Variants in GALNT13 observed in about 807,000 individuals in gnomAD.
GALNT13 encodes polypeptide N-acetylgalactosaminyltransferase 13.
In GALNT13, 28 loss-of-function variants were observed where a neutral mutation model predicts 64.2. The observed-to-expected ratio is 0.44, with a 90% CI of 0.32 to 0.60. The LOEUF (loss-of-function observed/expected upper bound fraction) is 0.60, where lower values mean the gene tolerates loss of function less well. Among genes scored for constraint, GALNT13 ranks in the 20% least tolerant of loss-of-function variants. The probability of loss-of-function intolerance (pLI) is 0.05; values close to 1 mark genes in which losing one functional copy is unlikely to be tolerated. For synonymous variants in GALNT13, 214 were observed against 224.6 expected, an observed-to-expected ratio of 0.95 and a Z score of 0.42; for missense variants, 577 against 669.8, an observed-to-expected ratio of 0.86 and a Z score of 1.53.
intron 11 of GALNT13, among the ~76,000 whole-genome samples, chr2:154,416,633 T>C (rs1292195586): frequency 6.6e-6 from 1 of 152,162 alleles, no homozygotes; most frequent in Non-Finnish European, 1.5e-5. Context: ...AAGAAACGTT[T>C]CACTTTGGCT....
At chr2:154,445,797 A>C in intron 12 of GALNT13, 1 of 1,288,014 alleles carries the variant, frequency 7.8e-7, no homozygotes, top group Non-Finnish European at 1.0e-6. Context: ...TGTTTGAATC[A>C]ACAGACTTAC....
intron 3 of GALNT13, among the ~76,000 whole-genome samples, chr2:154,038,332 A>C (rs940776644): frequency 6.6e-6 from 1 of 152,182 alleles, no homozygotes; most frequent in Non-Finnish European, 1.5e-5. Flanking sequence ...AAAATAACAA[A>C]GTCAGAGATA....
intron 3 of GALNT13, among the ~76,000 whole-genome samples, chr2:153,972,359 C>G (rs1693797485): frequency 1.3e-5 from 2 of 152,076 alleles, no homozygotes; most frequent in Admixed American, 6.6e-5. Flanking sequence ...TGATGTGACA[C>G]TAAGAACTCT....
chr2:153,358,999 C>T, the GALNT13 span, among the ~76,000 whole-genome samples: 1 of 152,116 alleles, frequency 6.6e-6, no homozygotes, highest in Non-Finnish European at 1.5e-5. Context: ...TATACAAATC[C>T]TTTCACAACC....
chr2:153,089,232 G>T, the GALNT13 span, among the ~76,000 whole-genome samples: 1 of 152,094 alleles, frequency 6.6e-6, no homozygotes, highest in Non-Finnish European at 1.5e-5. Context: ...TCACTTATGA[G>T]GCTTAGTTTT....
chr2:154,244,480 A>G (rs1689669867), intron 6 of GALNT13, among the ~76,000 whole-genome samples: 2 of 152,162 alleles, frequency 1.3e-5, no homozygotes, highest in Admixed American at 1.3e-4. Flanking sequence ...GAAAATGAGT[A>G]TTGGTGAAAC....
At chr2:153,194,031 T>C in the GALNT13 span, among the ~76,000 whole-genome samples, 1 of 152,324 alleles carries the variant, frequency 6.6e-6, no homozygotes, top group Admixed American at 6.5e-5. Context: ...TCCCTCTTTG[T>C]CTTTAACTTT....
chr2:153,723,701 A>C, the GALNT13 span, among the ~76,000 whole-genome samples: 1 of 152,110 alleles, frequency 6.6e-6, no homozygotes, highest in African/African-American at 2.4e-5. Flanking sequence ...ACTCCCATTC[A>C]CAATTGCTTC....
At chr2:154,174,986 G>A (rs996927755) in intron 4 of GALNT13, among the ~76,000 whole-genome samples, 5 of 152,102 alleles carry the variant, frequency 3.3e-5, no homozygotes, top group Admixed American at 1.3e-4. Flanking sequence ...AAGTTCTTAT[G>A]AAAACTTGAG....
chr2:154,382,787 G>T (rs536139129), intron 9 of GALNT13, among the ~76,000 whole-genome samples: 3 of 149,774 alleles, frequency 2.0e-5, no homozygotes, highest in Non-Finnish European at 3.0e-5. Context: ...CTCTTAAAAC[G>T]TTTTTTTTTT....
chr2:153,871,014 T>TG (rs1244589458), upstream of GALNT13, among the ~76,000 whole-genome samples: 1 of 152,108 alleles, frequency 6.6e-6, no homozygotes, highest in African/African-American at 2.4e-5. Context: ...CCCATGGCAG[T>TG]GGGGGACAGG....
At chr2:154,050,618 G>A (rs969860274) in intron 3 of GALNT13, among the ~76,000 whole-genome samples, 3 of 151,972 alleles carry the variant, frequency 2.0e-5, no homozygotes, top group Admixed American at 1.3e-4. Context: ...CTCAAGGGGG[G>A]AATAATATGA....
chr2:154,071,486 T>G (rs1025008182), intron 3 of GALNT13, among the ~76,000 whole-genome samples: 1 of 152,184 alleles, frequency 6.6e-6, no homozygotes, highest in Non-Finnish European at 1.5e-5. Context: ...ATCTTTTTGT[T>G]GTGGATTATA....
At chr2:153,823,513 T>A in the GALNT13 span, among the ~76,000 whole-genome samples, 2 of 152,044 alleles carry the variant, frequency 1.3e-5, no homozygotes, top group South Asian at 2.1e-4. Context: ...AAGCAAACAA[T>A]GGGGAAAGGA....
At chr2:153,504,558 T>G in the GALNT13 span, among the ~76,000 whole-genome samples, 1 of 152,224 alleles carries the variant, frequency 6.6e-6, no homozygotes, top group African/African-American at 2.4e-5. Flanking sequence ...GGTATGTCCC[T>G]TCTATGCCGA....
the GALNT13 span, among the ~76,000 whole-genome samples, chr2:153,473,611 T>G: frequency 6.6e-6 from 1 of 152,180 alleles, no homozygotes; most frequent in Non-Finnish European, 1.5e-5. Context: ...ATTTGTTGAT[T>G]CCTGTTTGGA....
chr2:154,046,738 G>C (rs781512123), intron 3 of GALNT13, among the ~76,000 whole-genome samples: 3 of 152,100 alleles, frequency 2.0e-5, no homozygotes, highest in Admixed American at 2.0e-4. Context: ...GTTCTTATAA[G>C]AGGAAAAGAC....
the GALNT13 span, among the ~76,000 whole-genome samples, chr2:153,771,021 G>A: frequency 6.6e-5 from 10 of 152,186 alleles, no homozygotes; most frequent in African/African-American, 2.4e-4. Flanking sequence ...CTGGAGATAT[G>A]TCTGGGTGTC....
chr2:153,511,401 C>T, the GALNT13 span, among the ~76,000 whole-genome samples: 1 of 151,900 alleles, frequency 6.6e-6, no homozygotes, highest in African/African-American at 2.4e-5. Flanking sequence ...GTGAGAAAAC[C>T]GAGCATGGGG....
Sources: gnomAD v4.1 joint callset for allele counts (sites outside exome capture counted in the v4.1 genomes callset) on GRCh38, gnomAD v4.1.1 for gene constraint, MANE v1.5 for transcripts, NCBI Gene and HGNC (gene_info 2026-07-23, HGNC 2026-07-21) for gene names.